Variants in DPP6 observed in about 807,000 individuals in gnomAD.
The protein encoded by DPP6 is A-type potassium channel modulatory protein DPP6.
Under a neutral mutation model 122.6 loss-of-function variants are expected in DPP6, and 69 were observed. The ratio of observed to expected loss-of-function variants is 0.56; its 90% confidence interval spans 0.46 to 0.69. DPP6 has a LOEUF of 0.69. DPP6 is among the 30% of genes least tolerant of loss of function. The pLI, the probability that DPP6 is intolerant of heterozygous loss-of-function variation, is 0.00. For missense variants in DPP6, 928 were observed against 1,116.9 expected (o/e 0.83, Z 2.41); for synonymous variants, 418 against 433.1 (o/e 0.97, Z 0.43).
At chr7:154,707,682 G>C (rs995176487) in intron 7 of DPP6, among the ~76,000 whole-genome samples, 1 of 152,118 alleles carries the variant, frequency 6.6e-6, no homozygotes, top group Non-Finnish European at 1.5e-5. Context: ...GTATTAGTCT[G>C]TTACCACGCT....
intron 1 of DPP6, among the ~76,000 whole-genome samples, chr7:154,004,968 T>C (rs1215101774): frequency 6.6e-6 from 1 of 152,184 alleles, no homozygotes; most frequent in African/African-American, 2.4e-5. Context: ...TAGTCCGTTA[T>C]GTCAAAAGAT....
the DPP6 span, among the ~76,000 whole-genome samples, chr7:153,878,497 T>C: frequency 1.3e-5 from 2 of 152,116 alleles, no homozygotes; most frequent in Non-Finnish European, 2.9e-5. Context: ...TCTCCGAGTC[T>C]CCCAAGGGAG....
chr7:154,371,368 A>C (rs1380831651), intron 1 of DPP6, among the ~76,000 whole-genome samples: 10 of 128,590 alleles, frequency 7.8e-5, no homozygotes, highest in Admixed American at 1.6e-4. Context: ...GACAGAGTGA[A>C]ACTCTGTCTC....
At chr7:154,707,200 G>T (rs555416691) in intron 7 of DPP6, among the ~76,000 whole-genome samples, 1 of 152,208 alleles carries the variant, frequency 6.6e-6, no homozygotes, top group Non-Finnish European at 1.5e-5. Flanking sequence ...ATAGGTTGAT[G>T]ACACTTATTA....
the DPP6 span, among the ~76,000 whole-genome samples, chr7:153,859,498 C>T: frequency 1.3e-5 from 2 of 152,124 alleles, no homozygotes; most frequent in Non-Finnish European, 2.9e-5. Context: ...GAGCTGAAAT[C>T]AGTGTTCTGA....
intron 1 of DPP6, among the ~76,000 whole-genome samples, chr7:154,019,438 C>T (rs1798593794): frequency 6.6e-6 from 1 of 151,412 alleles, no homozygotes; most frequent in South Asian, 2.1e-4. Context: ...TTCTTCCTCT[C>T]TCTCTTCCTT....
intron 1 of DPP6, among the ~76,000 whole-genome samples, chr7:154,342,501 TG>T (rs1810020512): frequency 6.6e-6 from 1 of 152,270 alleles, no homozygotes; most frequent in South Asian, 2.1e-4. Flanking sequence ...GCTGCTGAGT[TG>T]GGGGTGAAGT....
chr7:154,301,359 C>G (rs1292771573), intron 1 of DPP6, among the ~76,000 whole-genome samples: 1 of 152,172 alleles, frequency 6.6e-6, no homozygotes, highest in East Asian at 1.9e-4. Flanking sequence ...TTTTTCCCCA[C>G]TCTTGCCCCT....
At chr7:154,045,314 A>G (rs1319126916) in intron 1 of DPP6, among the ~76,000 whole-genome samples, 2 of 152,058 alleles carry the variant, frequency 1.3e-5, no homozygotes, top group Admixed American at 1.3e-4. Context: ...ATAAGCTGTT[A>G]TCTGAGACCT....
At chr7:153,798,367 G>C in the DPP6 span, among the ~76,000 whole-genome samples, 1 of 152,208 alleles carries the variant, frequency 6.6e-6, no homozygotes, top group Non-Finnish European at 1.5e-5. Flanking sequence ...CTAGAAGAAA[G>C]AAATGTCTTC....
At chr7:154,576,573 C>T (rs1188615579) in intron 5 of DPP6, among the ~76,000 whole-genome samples, 2 of 152,094 alleles carry the variant, frequency 1.3e-5, no homozygotes, top group Non-Finnish European at 2.9e-5. Flanking sequence ...TTATTATTCC[C>T]CCCAAATTTT....
the DPP6 span, among the ~76,000 whole-genome samples, chr7:153,791,452 ATTG>A: frequency 2.1e-5 from 1 of 48,710 alleles, no homozygotes; most frequent in African/African-American, 6.9e-5. Context: ...ATGGAGTCTC[ATTG>A]TTTCCCAGGC....
intron 7 of DPP6, among the ~76,000 whole-genome samples, chr7:154,703,632 A>G (rs112495648): frequency 0.025 from 3,831 of 151,568 alleles, 179 homozygotes; most frequent in African/African-American, 0.088. Context: ...AAAAAAAAAA[A>G]AAAGAAAAGA....
intron 1 of DPP6, among the ~76,000 whole-genome samples, chr7:154,366,084 A>G (rs1367527316): frequency 6.6e-6 from 1 of 151,952 alleles, no homozygotes; most frequent in Non-Finnish European, 1.5e-5. Context: ...CTGGGGTGCT[A>G]TCTTGTCACA....
chr7:154,621,467 C>G (rs1834652859), intron 5 of DPP6, among the ~76,000 whole-genome samples: 2 of 152,194 alleles, frequency 1.3e-5, no homozygotes, highest in Non-Finnish European at 2.9e-5. Context: ...CTCCTGGGTT[C>G]AAGCGATTCT....
chr7:154,081,914 C>T (rs10245204), intron 1 of DPP6, among the ~76,000 whole-genome samples: 48,270 of 151,922 alleles, frequency 0.32, 7,834 homozygotes, highest in East Asian at 0.51. Context: ...ACTTTAAGGT[C>T]ATTACTGAAG....
chr7:154,662,688 G>A (rs567797349), intron 6 of DPP6, among the ~76,000 whole-genome samples: 6 of 59,242 alleles, frequency 1.0e-4, no homozygotes, highest in Non-Finnish European at 2.0e-4. Context: ...GGCGTATTGG[G>A]CGTAGTGTTC....
rs1237475754 is a variant in DPP6, at chr7:154,624,342, A to T, written c.628-13479A>T. On this transcript the variant is annotated intron_variant, in intron 5 of 25. Coordinates refer to ENST00000377770, the MANE Select transcript of DPP6 (RefSeq NM_130797.4). The surrounding 1 kb of genome is among the most constrained non-coding windows in gnomAD (Gnocchi z 4.7). ...ACTCCATCTTAAAAAAAAAAAAAAA[A>T]TCAGCTTGGTGTGGTGGTAGGTGCC... Among the ~76,000 whole-genome samples the T allele has an allele frequency of 6.6e-6, 1 of 150,406 alleles. No homozygotes were observed. The highest frequency in any genetic ancestry group is 1.5e-5 in the Non-Finnish European group (1 of 67,528).
At chr7:154,063,949 C>A (rs1794331639) in intron 1 of DPP6, among the ~76,000 whole-genome samples, 1 of 151,776 alleles carries the variant, frequency 6.6e-6, no homozygotes. Flanking sequence ...ACAGCTAGAG[C>A]ATCCAAGAAT....
Sources: gnomAD v4.1 joint callset for allele counts (sites outside exome capture counted in the v4.1 genomes callset) on GRCh38, gnomAD v4.1.1 for gene constraint, Gnocchi (gnomAD v3.1) non-coding constraint, MANE v1.5 for transcripts, NCBI Gene and HGNC (gene_info 2026-07-23, HGNC 2026-07-21) for gene names.